The following ATRNL1 variants were observed in gnomAD, a reference collection of about 807,000 sequenced individuals.
ATRNL1 encodes attractin-like protein 1.
ATRNL1 carries 95 observed loss-of-function variants against 182.7 expected under a neutral mutation model. The ratio of observed to expected loss-of-function variants is 0.52; its 90% CI spans 0.44 to 0.62. The LOEUF is 0.62. Ranked by LOEUF, ATRNL1 falls within the 20% of genes least tolerant of loss-of-function variation. The pLI, the probability that ATRNL1 is intolerant of heterozygous loss-of-function variation, is 0.00. For synonymous variants in ATRNL1, 576 were observed against 568.3 expected (o/e 1.01, Z -0.19); for missense variants, 1,471 against 1,679.5 (o/e 0.88, Z 2.17).
At chr10:115,854,681 C>T (rs1038899552) in intron 28 of ATRNL1, among the ~76,000 whole-genome samples, 1 of 152,202 alleles carries the variant, frequency 6.6e-6, no homozygotes, top group Non-Finnish European at 1.5e-5. Context: ...ACCAGCTCTT[C>T]TCTCCTGACT....
chr10:115,935,795 C>T (rs1455586876), intron 28 of ATRNL1, among the ~76,000 whole-genome samples: 2 of 152,138 alleles, frequency 1.3e-5, no homozygotes, highest in Non-Finnish European at 2.9e-5. Context: ...ATGACATAGG[C>T]AATATTAGTA....
chr10:115,911,420 C>T (rs559321198), intron 28 of ATRNL1, among the ~76,000 whole-genome samples: 17 of 152,242 alleles, frequency 1.1e-4, no homozygotes, highest in South Asian at 4.2e-4. Context: ...TGTGTTCAAG[C>T]GATTCTCCTG....
chr10:115,622,496 G>A (rs1565221969), intron 26 of ATRNL1, among the ~76,000 whole-genome samples: 2 of 152,242 alleles, frequency 1.3e-5, no homozygotes, highest in South Asian at 2.1e-4. Context: ...GAGGGTCCTC[G>A]CTTCTTAACC....
intron 24 of ATRNL1, among the ~76,000 whole-genome samples, chr10:115,469,538 A>G (rs1004734462): frequency 6.6e-6 from 1 of 150,454 alleles, no homozygotes; most frequent in African/African-American, 2.4e-5. Flanking sequence ...CTATACTTAA[A>G]TTTTTCAGTG....
intron 27 of ATRNL1, among the ~76,000 whole-genome samples, chr10:115,794,242 AT>A (rs1329838594): frequency 3.9e-5 from 6 of 152,036 alleles, no homozygotes; most frequent in African/African-American, 1.2e-4. Context: ...TATATAAAGA[AT>A]TTTTTTCCTC....
At chr10:115,674,398 C>T (rs1445735968) in intron 26 of ATRNL1, among the ~76,000 whole-genome samples, 1 of 152,080 alleles carries the variant, frequency 6.6e-6, no homozygotes, top group African/African-American at 2.4e-5. Context: ...GAAAAACAGA[C>T]ATTCTTATAC....
At chr10:115,297,650 TAAAAA>T (rs5788102) in intron 15 of ATRNL1, among the ~76,000 whole-genome samples, 1 of 116,092 alleles carries the variant, frequency 8.6e-6, no homozygotes, top group Non-Finnish European at 1.8e-5. Flanking sequence ...GACTCCGTCT[TAAAAA>T]AAAAAAAAAA....
intron 10 of ATRNL1, among the ~76,000 whole-genome samples, chr10:115,254,812 A>C (rs1208265019): frequency 6.6e-6 from 1 of 152,118 alleles, no homozygotes; most frequent in Non-Finnish European, 1.5e-5. Context: ...TAATTTTTGT[A>C]TAAGGTGTAA....
chr10:115,607,048 C>G (rs1555017810), intron 26 of ATRNL1, among the ~76,000 whole-genome samples: 1 of 151,992 alleles, frequency 6.6e-6, no homozygotes, highest in African/African-American at 2.4e-5. Context: ...TGACTTTTTA[C>G]TCAAGGTCAA....
intron 27 of ATRNL1, among the ~76,000 whole-genome samples, chr10:115,788,315 C>G (rs77478972): frequency 0.039 from 5,918 of 152,176 alleles, 341 homozygotes; most frequent in African/African-American, 0.12. Flanking sequence ...TCAGTGATGT[C>G]TTTTATAAAG....
chr10:115,783,391 A>G (rs1183339828), intron 27 of ATRNL1, among the ~76,000 whole-genome samples: 1 of 152,178 alleles, frequency 6.6e-6, no homozygotes, highest in Non-Finnish European at 1.5e-5. Context: ...TTGGAGATGG[A>G]AGTAGAGGTT....
In ATRNL1 at chr10:115,093,713, C is replaced by G. The variant is rs2084935125; in HGVS notation, c.-38C>G. ...CTTCAACAGCATCCCTGTCGGCGCC[C>G]GCGAGCGCAGTCTCGCCGGGCAGGG... On this transcript the variant is annotated 5_prime_UTR_variant, in exon 1 of 29. Coordinates refer to ENST00000355044, the MANE Select transcript of ATRNL1 (RefSeq NM_207303.4). The surrounding 1 kb of genome is among the most constrained non-coding windows in gnomAD (Gnocchi z 6.1). 7.1e-7 allele frequency: 1 copy of G among 1,414,980 alleles called. No homozygotes were observed. Among genetic ancestry groups the G allele is most frequent in the Admixed American group, 2.9e-5 (1 of 34,180 alleles). The allele number at this position is 1,414,980 out of a possible 1,614,324, so 87.7% of individuals were successfully genotyped here.
At chr10:115,220,415 A>T (rs1336165063) in intron 9 of ATRNL1, 7 of 152,122 alleles carry the variant, frequency 4.6e-5, no homozygotes, top group African/African-American at 1.7e-4. Flanking sequence ...TGAAGGTTTC[A>T]TGGTTTCATT....
Position 115,351,065 on chromosome 10 carries a change from A to G in ATRNL1, c.3175+16646A>G, listed in dbSNP as rs545914899. 1.9e-4 allele frequency among the ~76,000 whole-genome samples: 29 copies of G among 152,320 alleles called. No individual in the cohort carries two copies. In the South Asian group the frequency reaches 5.8e-3, roughly 30 times the overall value. On this transcript the variant is annotated intron_variant, in intron 19 of 28. Transcript: ENST00000355044. ...TTCAGATTGTTCTCTGTTGCCATAC[A>G]GAAATGCTACTGAATTTATATGTCA...
chr10:115,890,554 A>AT (rs1952055550), intron 28 of ATRNL1, among the ~76,000 whole-genome samples: 2 of 151,916 alleles, frequency 1.3e-5, no homozygotes, highest in Non-Finnish European at 2.9e-5. Flanking sequence ...TATTTCACAT[A>AT]TTTTTTTCCA....
chr10:115,458,925 G>A (rs1554969225), intron 21 of ATRNL1, among the ~76,000 whole-genome samples: 3 of 152,136 alleles, frequency 2.0e-5, no homozygotes, highest in African/African-American at 2.4e-5. Flanking sequence ...ACCCCAAATG[G>A]AGGGACCGGC....
chr10:115,102,903 G>A (rs1223221173), intron 1 of ATRNL1, among the ~76,000 whole-genome samples: 1 of 151,992 alleles, frequency 6.6e-6, no homozygotes, highest in Non-Finnish European at 1.5e-5. Context: ...ATTTTGAGGA[G>A]AATTGATATG....
At chr10:115,358,214 C>T (rs1856587458) in intron 19 of ATRNL1, among the ~76,000 whole-genome samples, 1 of 151,672 alleles carries the variant, frequency 6.6e-6, no homozygotes, top group Admixed American at 6.6e-5. Flanking sequence ...TTACAATCCA[C>T]CTTTATACTT....
chr10:115,559,409 GGTGTTTGTGT>G (rs1273589843), intron 26 of ATRNL1, among the ~76,000 whole-genome samples: 13 of 135,496 alleles, frequency 9.6e-5, no homozygotes, highest in Admixed American at 4.4e-4. Flanking sequence ...TCTCATTCTT[GGTGTTTGTGT>G]GTGTGTGTGT....
Sources: gnomAD v4.1 joint callset for allele counts (sites outside exome capture counted in the v4.1 genomes callset) on GRCh38, gnomAD v4.1.1 for gene constraint, Gnocchi (gnomAD v3.1) non-coding constraint, MANE v1.5 for transcripts, NCBI Gene and HGNC (gene_info 2026-07-23, HGNC 2026-07-21) for gene names.